The following ARB2A variants were observed in gnomAD, a reference collection of about 807,000 sequenced individuals.
ARB2A encodes ARB2 cotranscriptional regulator A.
At chr5:93,890,693 G>A in the ARB2A span, among the ~76,000 whole-genome samples, 1 of 151,956 alleles carries the variant, frequency 6.6e-6, no homozygotes, top group Non-Finnish European at 1.5e-5. Context: ...ATAGTTCTAA[G>A]CCAACCTTAG....
chr5:93,865,869 G>T, the ARB2A span: 1 of 985,288 alleles, frequency 1.0e-6, no homozygotes, highest in Non-Finnish European at 1.2e-6. Context: ...CAAATATGAG[G>T]TTAAAAGGTA....
At chr5:93,898,160 G>A in the ARB2A span, among the ~76,000 whole-genome samples, 4 of 151,942 alleles carry the variant, frequency 2.6e-5, no homozygotes, top group Non-Finnish European at 5.9e-5. Context: ...TGAGACATAC[G>A]ATTTCTTATA....
the ARB2A span, among the ~76,000 whole-genome samples, chr5:93,625,697 A>C: frequency 6.6e-6 from 1 of 152,220 alleles, no homozygotes; most frequent in Non-Finnish European, 1.5e-5. Flanking sequence ...GAGACTATAA[A>C]TCATATGAGA....
chr5:93,910,453 A>C, the ARB2A span, among the ~76,000 whole-genome samples: 1 of 151,338 alleles, frequency 6.6e-6, no homozygotes, highest in African/African-American at 2.4e-5. Context: ...AAGGTGCTTT[A>C]AACAAATATG....
chr5:93,948,786 G>C, the ARB2A span, among the ~76,000 whole-genome samples: 1 of 152,040 alleles, frequency 6.6e-6, no homozygotes, highest in Non-Finnish European at 1.5e-5. Flanking sequence ...CCAGCTCACT[G>C]CATCTTCAAA....
At chr5:93,964,516 G>A in the ARB2A span, 9 of 1,577,304 alleles carry the variant, frequency 5.7e-6, no homozygotes, top group South Asian at 3.5e-5. Context: ...TACATACTTC[G>A]TGATGATCTA....
At chr5:93,832,073 A>C in the ARB2A span, among the ~76,000 whole-genome samples, 1 of 152,192 alleles carries the variant, frequency 6.6e-6, no homozygotes, top group Non-Finnish European at 1.5e-5. Context: ...ATTGACTAAA[A>C]AAGATATAGA....
chr5:93,706,222 A>G, the ARB2A span, among the ~76,000 whole-genome samples: 1 of 152,260 alleles, frequency 6.6e-6, no homozygotes, highest in African/African-American at 2.4e-5. Context: ...ATAAAAAGTA[A>G]TAAAGAATTG....
At chr5:94,059,324 T>C in the ARB2A span, among the ~76,000 whole-genome samples, 2 of 152,038 alleles carry the variant, frequency 1.3e-5, no homozygotes, top group South Asian at 4.1e-4. Context: ...AAATAGGTGA[T>C]AAAGATAAAA....
At chr5:94,056,903 C>T in the ARB2A span, among the ~76,000 whole-genome samples, 2 of 152,168 alleles carry the variant, frequency 1.3e-5, no homozygotes, top group Admixed American at 6.5e-5. Context: ...ATAGGATTAA[C>T]ATCTGAATGG....
the ARB2A span, among the ~76,000 whole-genome samples, chr5:93,720,347 T>C: frequency 6.6e-6 from 1 of 152,230 alleles, no homozygotes; most frequent in Admixed American, 6.5e-5. Context: ...ATTGGGCCTC[T>C]TTAGTTTCCA....
At chr5:93,993,179 T>C in the ARB2A span, among the ~76,000 whole-genome samples, 1 of 152,136 alleles carries the variant, frequency 6.6e-6, no homozygotes, top group African/African-American at 2.4e-5. Context: ...AAATTTACCT[T>C]AAATATATAA....
the ARB2A span, among the ~76,000 whole-genome samples, chr5:93,774,299 T>C: frequency 6.6e-6 from 1 of 152,332 alleles, no homozygotes; most frequent in Admixed American, 6.5e-5. Context: ...AGAATTCAGA[T>C]GAAAGGAAGA....
the ARB2A span, among the ~76,000 whole-genome samples, chr5:93,935,503 G>A: frequency 6.6e-6 from 1 of 152,190 alleles, no homozygotes; most frequent in Non-Finnish European, 1.5e-5. Context: ...CACATTTTAA[G>A]TATTGCTGAA....
chr5:93,698,834 A>G, the ARB2A span, among the ~76,000 whole-genome samples: 2,791 of 152,302 alleles, frequency 0.018, 45 homozygotes, highest in Non-Finnish European at 0.028. Flanking sequence ...TGAAGCTTAC[A>G]GTTTATTGTA....
the ARB2A span, among the ~76,000 whole-genome samples, chr5:94,090,364 A>T: frequency 3.9e-5 from 6 of 152,218 alleles, no homozygotes; most frequent in Admixed American, 2.6e-4. Flanking sequence ...TGATTTCTGC[A>T]CATTGATTTT....
At chr5:94,046,368 C>T in the ARB2A span, among the ~76,000 whole-genome samples, 40 of 151,982 alleles carry the variant, frequency 2.6e-4, no homozygotes, top group Non-Finnish European at 4.3e-4. Context: ...GGGATCTCTC[C>T]TCAAGAGTTG....
chr5:93,967,838 T>G, the ARB2A span, among the ~76,000 whole-genome samples: 2 of 152,136 alleles, frequency 1.3e-5, no homozygotes, highest in African/African-American at 4.8e-5. Context: ...ATTTAAGAGA[T>G]GAGACCTAAT....
the ARB2A span, among the ~76,000 whole-genome samples, chr5:93,885,525 C>A: frequency 6.6e-6 from 1 of 151,504 alleles, no homozygotes; most frequent in Admixed American, 6.6e-5. Context: ...CTTCTGGCAT[C>A]CTTTATAATG....
Sources: allele counts gnomAD v4.1 joint callset (sites outside exome capture counted in the v4.1 genomes callset), GRCh38; gene constraint gnomAD v4.1.1; transcripts MANE v1.5; gene names NCBI Gene and HGNC (gene_info 2026-07-23, HGNC 2026-07-21).